Variants in SUPT3H observed in about 807,000 individuals in gnomAD.
The protein encoded by SUPT3H is transcription initiation protein SPT3 homolog.
A neutral mutation model predicts 44.3 loss-of-function variants in SUPT3H; 44 were observed. That is an observed-to-expected ratio of 0.99 (90% CI 0.78 to 1.28). The LOEUF is 1.28. SUPT3H is among the 50% of genes most tolerant of loss of function. The probability of loss-of-function intolerance (pLI) is 0.00; values close to 1 mark genes in which losing one functional copy is unlikely to be tolerated. For synonymous variants in SUPT3H, 124 were observed against 125.6 expected, an observed-to-expected ratio of 0.99 and a Z score of 0.09; for missense variants, 380 against 387.1, an observed-to-expected ratio of 0.98 and a Z score of 0.15.
At chr6:45,101,708 TATG>T (rs766203311) in intron 3 of SUPT3H, among the ~76,000 whole-genome samples, 35 of 152,204 alleles carry the variant, frequency 2.3e-4, no homozygotes, top group Non-Finnish European at 3.8e-4. Context: ...AATACCCTGA[TATG>T]ATCATTATAC....
intron 3 of SUPT3H, among the ~76,000 whole-genome samples, chr6:45,064,625 C>T (rs1038342005): frequency 7.2e-6 from 1 of 139,466 alleles, no homozygotes; most frequent in Non-Finnish European, 1.5e-5. Flanking sequence ...ATCTACCAAG[C>T]AAATGGAAAA....
chr6:45,187,043 G>A (rs1814331474), intron 2 of SUPT3H, among the ~76,000 whole-genome samples: 1 of 144,222 alleles, frequency 6.9e-6, no homozygotes, highest in Non-Finnish European at 1.5e-5. Context: ...GCTGCGGCCA[G>A]TAGATACCTT....
intron 3 of SUPT3H, among the ~76,000 whole-genome samples, chr6:45,030,749 A>C (rs1036100032): frequency 6.6e-6 from 1 of 152,156 alleles, no homozygotes; most frequent in Non-Finnish European, 1.5e-5. Flanking sequence ...TTTTATCTCT[A>C]TTACTAATTA....
chr6:45,152,888 G>A lies in SUPT3H; in HGVS notation c.102-46882C>T, dbSNP rs1807179157. Among the ~76,000 whole-genome samples the A allele has an allele frequency of 2.6e-5, 4 of 152,080 alleles. No individual in the cohort carries two copies. The South Asian group carries it at 6.2e-4, about 24-fold the overall frequency. On this transcript the variant is annotated intron_variant, in intron 2 of 10. Transcript: ENST00000371459. ...ACATTTAAATAAAATCACAACTCCT[G>A]ATCATGCCCTACAAGGTCTGGCTTC...
At chr6:45,240,695 C>T (rs1383849701) in intron 2 of SUPT3H, among the ~76,000 whole-genome samples, 3 of 152,182 alleles carry the variant, frequency 2.0e-5, no homozygotes, top group African/African-American at 7.2e-5. Context: ...CATGGCCACA[C>T]TATGTTCAGC....
At chr6:45,079,602 A>G (rs1795512891) in intron 3 of SUPT3H, among the ~76,000 whole-genome samples, 1 of 152,214 alleles carries the variant, frequency 6.6e-6, no homozygotes, top group Admixed American at 6.5e-5. Flanking sequence ...CAAAACAGAT[A>G]CACAGAACAG....
intron 10 of SUPT3H, among the ~76,000 whole-genome samples, chr6:44,831,037 A>T (rs1459564964): frequency 6.6e-6 from 1 of 152,210 alleles, no homozygotes; most frequent in Non-Finnish European, 1.5e-5. Context: ...AAAGACTTCC[A>T]TCAACATGAG....
chr6:44,916,475 C>G (rs1454767322), intron 10 of SUPT3H, among the ~76,000 whole-genome samples: 1 of 152,150 alleles, frequency 6.6e-6, no homozygotes, highest in East Asian at 1.9e-4. Context: ...TTTGCCCACA[C>G]AAGGGCAAAC....
intron 6 of SUPT3H, among the ~76,000 whole-genome samples, chr6:44,989,102 G>A (rs573025533): frequency 2.2e-4 from 34 of 152,182 alleles, no homozygotes; most frequent in African/African-American, 7.2e-4. Flanking sequence ...ATAATAACAT[G>A]AGACATTAAA....
At chr6:44,969,290 T>C (rs768619847) in intron 6 of SUPT3H, among the ~76,000 whole-genome samples, 3 of 152,338 alleles carry the variant, frequency 2.0e-5, no homozygotes, top group East Asian at 1.9e-4. Flanking sequence ...CATATGCACG[T>C]GTATGTCTGC....
chr6:45,319,829 T>C (rs954280727), intron 2 of SUPT3H, among the ~76,000 whole-genome samples: 16 of 152,220 alleles, frequency 1.1e-4, no homozygotes, highest in African/African-American at 3.9e-4. Context: ...CTAAGATTTC[T>C]GCTAAAATAT....
intron 10 of SUPT3H, among the ~76,000 whole-genome samples, chr6:44,836,484 A>G (rs1435422940): frequency 6.6e-6 from 1 of 152,164 alleles, no homozygotes; most frequent in Non-Finnish European, 1.5e-5. Flanking sequence ...CTCTCATTGT[A>G]GTCCATGTAA....
chr6:44,932,136 T>C (rs1307505100), intron 10 of SUPT3H, among the ~76,000 whole-genome samples: 2 of 152,180 alleles, frequency 1.3e-5, no homozygotes, highest in East Asian at 3.9e-4. Flanking sequence ...AGGTCTTTAA[T>C]TCCCCATTAA....
chr6:45,231,377 G>A (rs1229650576), intron 2 of SUPT3H, among the ~76,000 whole-genome samples: 1 of 152,092 alleles, frequency 6.6e-6, no homozygotes, highest in African/African-American at 2.4e-5. Flanking sequence ...GGTATGCTTG[G>A]CTGGCAGGGT....
At chr6:45,325,795 A>G (rs371712329) in intron 2 of SUPT3H, among the ~76,000 whole-genome samples, 1 of 151,938 alleles carries the variant, frequency 6.6e-6, no homozygotes. Context: ...ACACACTGTT[A>G]TCAAATGTGT....
intron 3 of SUPT3H, among the ~76,000 whole-genome samples, chr6:45,042,545 A>G (rs1215629304): frequency 6.6e-6 from 1 of 152,168 alleles, no homozygotes; most frequent in Non-Finnish European, 1.5e-5. Context: ...TCATAAGGGA[A>G]AATTAGTTGT....
At position 45,282,944 on chromosome 6, in the gene SUPT3H, G is replaced by A. The variant is rs548872050; in HGVS notation, c.101+82257C>T. 5.3e-5 allele frequency among the ~76,000 whole-genome samples: 8 copies of A among 152,270 alleles called. No homozygotes were observed. In the South Asian group the frequency reaches 1.0e-3, roughly 20 times the overall value. On this transcript the variant is annotated intron_variant, in intron 2 of 10. Transcript: ENST00000371459. ...GGGGCCAACATTCAACATTCTTAAG[G>A]AAAAGAATTTTTAACCCAGAATTTC...
intron 10 of SUPT3H, among the ~76,000 whole-genome samples, chr6:44,914,302 A>G (rs1404238531): frequency 1.3e-5 from 2 of 152,204 alleles, no homozygotes; most frequent in African/African-American, 4.8e-5. Flanking sequence ...GGTTATGTGG[A>G]GCTTTGCTCC....
At chr6:44,937,409 G>A (rs13211134) in intron 9 of SUPT3H, among the ~76,000 whole-genome samples, 11,408 of 151,934 alleles carry the variant, frequency 0.075, 852 homozygotes, top group African/African-American at 0.18. Context: ...CAAGGGAATC[G>A]CTTGAACCCG....
Sources: gnomAD v4.1 joint callset for allele counts (sites outside exome capture counted in the v4.1 genomes callset) on GRCh38, gnomAD v4.1.1 for gene constraint, MANE v1.5 for transcripts, NCBI Gene and HGNC (gene_info 2026-07-23, HGNC 2026-07-21) for gene names.